Variants in CCDC62 observed in about 807,000 individuals in gnomAD.
CCDC62 encodes coiled-coil domain-containing protein 62.
A neutral mutation model predicts 80.8 loss-of-function variants in CCDC62; 72 were observed. That is an observed-to-expected ratio of 0.89 (90% CI 0.74 to 1.08). CCDC62 has a LOEUF of 1.08. CCDC62 is among the 50% of genes least tolerant of loss of function. The probability of loss-of-function intolerance (pLI) is 0.00; values close to 1 mark genes in which losing one functional copy is unlikely to be tolerated. For synonymous variants in CCDC62, 286 were observed against 296.5 expected, an observed-to-expected ratio of 0.96 and a Z score of 0.36; for missense variants, 704 against 809.4, an observed-to-expected ratio of 0.87 and a Z score of 1.58.
rs67025764 is a variant in CCDC62 at position 122,811,821 on chromosome 12, CAAAAAAA to C, written c.1852-1423_1852-1417del. ...TGGCAACAGAGTGAGACTCCATCTG[CAAAAAAA>C]AAAAAAAAAAAAAAAAAAAAAAAAA... On this transcript the variant is annotated intron_variant, in intron 10 of 12. Coordinates refer to ENST00000253079, the MANE Select transcript of CCDC62 (RefSeq NM_201435.5). Among the ~76,000 whole-genome samples the C allele has an allele frequency of 6.9e-4, 24 of 34,668 alleles. 1 individual carries two copies. Among genetic ancestry groups the C allele is most frequent in the South Asian group, 4.1e-3 (2 of 484 alleles). The allele number at this position is 34,668 out of a possible 152,430, so 22.7% of individuals were successfully genotyped here. A position where few individuals can be genotyped will look rare whatever the true frequency, so the allele number is the denominator to read the frequency against.
intron 6 of CCDC62, among the ~76,000 whole-genome samples, chr12:122,796,874 CTT>C: frequency 6.9e-6 from 1 of 145,614 alleles, no homozygotes; most frequent in African/African-American, 2.6e-5. Flanking sequence ...CAAATCACTT[CTT>C]CTTTTTTTTT....
chr12:122,794,658 A>T (rs1239179473), intron 6 of CCDC62, among the ~76,000 whole-genome samples: 1 of 151,924 alleles, frequency 6.6e-6, no homozygotes, highest in Admixed American at 6.6e-5. Flanking sequence ...CCTACAAAAG[A>T]ATTTATTTAT....
In CCDC62 at chr12:122,807,186, T is replaced by C. The variant is rs1283887726; in HGVS notation, c.1851+891T>C. Among the ~76,000 whole-genome samples, 4 of 152,214 alleles carry C rather than the reference T, an allele frequency of 2.6e-5. No homozygotes were observed. The East Asian group carries it at 5.8e-4, about 22-fold the overall frequency. The stretch of plus-strand genomic sequence containing the variant: ...GAATTCAGGATCAGCATGGGCAACA[T>C]AGCAAGACCCTGCCTCTATTTTTTG... On this transcript the variant is annotated intron_variant, in intron 10 of 12. Coordinates refer to ENST00000253079, the MANE Select transcript of CCDC62 (RefSeq NM_201435.5).
At chr12:122,822,686 C>T (rs1343245412) in intron 11 of CCDC62, among the ~76,000 whole-genome samples, 2 of 146,892 alleles carry the variant, frequency 1.4e-5, no homozygotes, top group Non-Finnish European at 3.0e-5. Context: ...CCATTGAGTT[C>T]CACACTTTTT....
At chr12:122,789,351 G>A (rs936382277) in intron 5 of CCDC62, among the ~76,000 whole-genome samples, 1 of 152,330 alleles carries the variant, frequency 6.6e-6, no homozygotes, top group Admixed American at 6.5e-5. Context: ...ACATTTCATC[G>A]TCTTGCTATC....
chr12:122,774,747 G>A, intron 1 of CCDC62, 41 bp downstream of exon 1: 1 of 1,226,620 alleles, frequency 8.2e-7, no homozygotes, highest in Non-Finnish European at 1.0e-6. Context: ...CCGCGGGAAC[G>A]GTGCACATTG....
At chr12:122,823,203 C>T (rs930939905) in intron 11 of CCDC62, among the ~76,000 whole-genome samples, 163 bp from the exon 12 acceptor site, 1 of 152,196 alleles carries the variant, frequency 6.6e-6, no homozygotes, top group Admixed American at 6.5e-5. Context: ...TCAAGTGATC[C>T]GCCCACCCTG....
At chr12:122,822,403 C>G (rs2032446384) in intron 11 of CCDC62, among the ~76,000 whole-genome samples, 1 of 151,754 alleles carries the variant, frequency 6.6e-6, no homozygotes, top group African/African-American at 2.4e-5. Flanking sequence ...TGCACCTGGC[C>G]AATACATTAT....
intron 2 of CCDC62, among the ~76,000 whole-genome samples, chr12:122,777,927 A>G (rs1294368001): frequency 1.3e-5 from 2 of 152,194 alleles, no homozygotes; most frequent in African/African-American, 4.8e-5. Flanking sequence ...ACATGGGGTG[A>G]GCGCCAGTGG....
intron 12 of CCDC62, among the ~76,000 whole-genome samples, chr12:122,824,467 A>C (rs2032531791): frequency 6.6e-6 from 1 of 152,024 alleles, no homozygotes; most frequent in African/African-American, 2.4e-5. Flanking sequence ...ATGCAGTACC[A>C]CCTTACTCAT....
chr12:122,797,389 G>T lies in CCDC62; in HGVS notation c.855G>T (p.Leu285=). 1 of 1,561,982 alleles carries T rather than the reference G, an allele frequency of 6.4e-7. No homozygotes were observed. The highest frequency in any genetic ancestry group is 1.1e-5 in the South Asian group (1 of 89,928). Residue 285 remains leucine (L), a synonymous_variant, in exon 7 of 13, where the codon CTG becomes CTT. Transcript: ENST00000253079. ...QERTNSELHN[L]RQIYVKQQSD... ...GCACAAATTCAGAACTGCACAATCT[G>T]AGACAGGTATGTCCCCAATCATCCT...
At chr12:122,783,669 A>C (rs1050494957) in intron 3 of CCDC62, among the ~76,000 whole-genome samples, 2 of 152,230 alleles carry the variant, frequency 1.3e-5, no homozygotes, top group African/African-American at 4.8e-5. Flanking sequence ...AGTAAAAACT[A>C]TTCTAGAATA....
Position 122,792,002 on chromosome 12 carries a change from T to C in CCDC62, c.671-18T>C. The C allele has an allele frequency of 6.4e-7, 1 of 1,571,496 alleles. No individual in the cohort carries two copies. The highest frequency in any genetic ancestry group is 8.8e-7 in the Non-Finnish European group (1 of 1,141,780). ...CCTAGTATTTATTTGAGGACTTTCT[T>C]TTTCTTCTGTTGTGAAGAGGACCTC... On this transcript the variant is annotated intron_variant, in intron 5 of 12. Transcript: ENST00000253079.
intron 2 of CCDC62, among the ~76,000 whole-genome samples, chr12:122,778,353 CAA>C (rs34065757): frequency 0.14 from 16,337 of 118,112 alleles, 1,384 homozygotes; most frequent in East Asian, 0.31. Context: ...GACCCTGTCC[CAA>C]AAAAAAAAAA....
In CCDC62 at chr12:122,806,283, A is replaced by G; in HGVS notation, c.1839A>G (p.Ala613=). Residue 613 remains alanine, a synonymous_variant, in exon 10 of 13, where the codon GCA becomes GCG. Coordinates refer to ENST00000253079, the MANE Select transcript of CCDC62 (RefSeq NM_201435.5). Reference sequence around the variant, plus strand: ...TGTTAATCTACAAAGATGCACCAGCATTCAATGAAAAGGTTCGTATTTTGC... The same window carrying G: ...TGTTAATCTACAAAGATGCACCAGCGTTCAATGAAAAGGTTCGTATTTTGC... ...TSLLIYKDAP[A]FNEKASIVLP... is the part of the protein sequence containing the mutation. 1 of 1,609,658 alleles carries G rather than the reference A, an allele frequency of 6.2e-7. No homozygotes were observed. The highest frequency in any genetic ancestry group is 8.5e-7 in the Non-Finnish European group (1 of 1,177,258).
Position 122,812,773 on chromosome 12 carries a change from GAGAGAGAAAGAAAGAAAGAAAGAAAGAA to G in CCDC62, c.1852-493_1852-466del, listed in dbSNP as rs1483857685. 5.8e-5 allele frequency among the ~76,000 whole-genome samples: 4 copies of G among 68,898 alleles called. No homozygotes were observed. In the South Asian group the frequency reaches 1.6e-3, roughly 28 times the overall value. 45.2% of individuals were successfully genotyped at this position (68,898 alleles called of 152,430 possible). On this transcript the variant is annotated intron_variant, in intron 10 of 12. Transcript: ENST00000253079. ...AGAGGGAGGGAGAGAGAGAGAGAGAGAGAGAGAAAGAAAGAAAGAAAGAAAGAAAGAAAGAAAGAAAGAAAGAAAGAAA... is the reference window on the plus strand; with the variant it reads ...AGAGGGAGGGAGAGAGAGAGAGAGAGAGAAAGAAAGAAAGAAAGAAAGAAA...
intron 8 of CCDC62, among the ~76,000 whole-genome samples, chr12:122,800,765 C>G (rs1422667055): frequency 2.0e-5 from 1 of 51,246 alleles, no homozygotes; most frequent in Non-Finnish European, 7.3e-5. Flanking sequence ...TAGTTTATAG[C>G]ATTATGGAAA....
chr12:122,797,429 G>T lies in CCDC62; in HGVS notation c.861+34G>T, dbSNP rs987600340. On this transcript the variant is annotated intron_variant, in intron 7 of 12. Transcript: ENST00000253079. ...CCAATCATCCTTCTCTGTCACATAA[G>T]AAATGTTTGTAAACAAATAGCAAAT... 6 of 1,174,926 alleles carry T rather than the reference G, an allele frequency of 5.1e-6. No individual in the cohort carries two copies. In the African/African-American group the frequency reaches 7.6e-5, roughly 15 times the overall value. 72.8% of individuals were successfully genotyped at this position (1,174,926 alleles called of 1,614,324 possible). A position where few individuals can be genotyped will look rare whatever the true frequency, so the allele number is the denominator to read the frequency against.
At chr12:122,823,258 G>C (rs1027577955) in intron 11 of CCDC62, 108 bp from the exon 12 acceptor site, 2 of 821,786 alleles carry the variant, frequency 2.4e-6, no homozygotes, top group Admixed American at 2.0e-5. Flanking sequence ...ACCACGCCCA[G>C]CCTCATCTAA....
Sources: allele counts gnomAD v4.1 joint callset (sites outside exome capture counted in the v4.1 genomes callset), GRCh38; gene constraint gnomAD v4.1.1; transcripts MANE v1.5; gene names NCBI Gene and HGNC (gene_info 2026-07-23, HGNC 2026-07-21).